Variants in RBPJ observed in about 807,000 individuals in gnomAD.
RBPJ encodes recombining binding protein suppressor of hairless.
A neutral mutation model predicts 67.8 loss-of-function variants in RBPJ; 9 were observed. The observed-to-expected ratio is 0.13, with a 90% CI of 0.08 to 0.23. The LOEUF is 0.23. RBPJ is among the 10% of genes least tolerant of loss of function. The pLI is 1.00. For synonymous variants in RBPJ, 198 were observed against 203.3 expected, an observed-to-expected ratio of 0.97 and a Z score of 0.22; for missense variants, 305 against 595.6, an observed-to-expected ratio of 0.51 and a Z score of 5.08.
At chr4:26,249,414 C>T (rs1720025231) in intron 1 of RBPJ, among the ~76,000 whole-genome samples, 1 of 152,102 alleles carries the variant, frequency 6.6e-6, no homozygotes, top group South Asian at 2.1e-4. Context: ...AATCCCAGCA[C>T]TTTATGAGGC....
the RBPJ span, chr4:26,112,314 C>G: frequency 6.5e-6 from 1 of 154,054 alleles, no homozygotes; most frequent in Non-Finnish European, 1.5e-5. Flanking sequence ...AGATACTTTG[C>G]GTTTAATTAT....
At chr4:26,128,303 G>T in the RBPJ span, among the ~76,000 whole-genome samples, 2 of 152,334 alleles carry the variant, frequency 1.3e-5, no homozygotes, top group South Asian at 4.1e-4. Flanking sequence ...CTGAAAGTTT[G>T]CTGACTTTTA....
the RBPJ span, among the ~76,000 whole-genome samples, chr4:26,151,894 A>G: frequency 1.3e-5 from 2 of 152,174 alleles, no homozygotes; most frequent in East Asian, 1.9e-4. Flanking sequence ...TCAGTGAGCA[A>G]CTCAGTGATT....
chr4:26,306,237 T>C (rs1011660716), intron 1 of RBPJ, among the ~76,000 whole-genome samples: 12 of 152,124 alleles, frequency 7.9e-5, no homozygotes, highest in African/African-American at 2.9e-4. Flanking sequence ...CAATACCATG[T>C]TGAATAGAAT....
Position 26,294,931 on chromosome 4 carries a change from A to G in RBPJ, c.-166-67515A>G, listed in dbSNP as rs144286977. ...ATAGTTTAACAATAGGACTAACAAG[A>G]CCTGCCACCGGGTTGGATAGGGCTG... On this transcript the variant is annotated intron_variant, in intron 1 of 4. Transcript: ENST00000512351. 9.2e-4 allele frequency among the ~76,000 whole-genome samples: 140 copies of G among 152,152 alleles called. 1 individual carries two copies. Among genetic ancestry groups the G allele is most frequent in the Non-Finnish European group, 1.6e-3 (112 of 68,002 alleles).
chr4:26,427,049 C>T (rs1233387223), intron 7 of RBPJ, among the ~76,000 whole-genome samples: 2 of 152,044 alleles, frequency 1.3e-5, no homozygotes, highest in Admixed American at 6.6e-5. Flanking sequence ...CATAGCAATG[C>T]GGCCGTGGAA....
At chr4:26,271,602 A>T (rs891512374) in intron 1 of RBPJ, among the ~76,000 whole-genome samples, 7 of 152,024 alleles carry the variant, frequency 4.6e-5, no homozygotes, top group African/African-American at 1.7e-4. Flanking sequence ...TTTTTAGAGG[A>T]TCCATCAGTA....
At chr4:26,160,058 A>G (rs1716049219), upstream of RBPJ, among the ~76,000 whole-genome samples, 1 of 152,092 alleles carries the variant, frequency 6.6e-6, no homozygotes. Context: ...AGCTAGGACT[A>G]CAGGCGCCCG....
At chr4:26,388,931 A>G (rs1163435804) in intron 2 of RBPJ, among the ~76,000 whole-genome samples, 2 of 152,200 alleles carry the variant, frequency 1.3e-5, no homozygotes, top group Admixed American at 6.5e-5. Flanking sequence ...CTGTAAAACC[A>G]CAGATCTAAG....
At chr4:26,127,413 C>T in the RBPJ span, among the ~76,000 whole-genome samples, 1 of 152,164 alleles carries the variant, frequency 6.6e-6, no homozygotes, top group Non-Finnish European at 1.5e-5. Context: ...GGTTGGGTAG[C>T]AGGATCATGT....
intron 1 of RBPJ, among the ~76,000 whole-genome samples, chr4:26,300,416 T>G (rs1380202775): frequency 6.6e-6 from 1 of 152,248 alleles, no homozygotes; most frequent in Non-Finnish European, 1.5e-5. Context: ...AAGACCTTCG[T>G]ATCTACATAG....
At chr4:26,190,468 A>G (rs908478762) in intron 1 of RBPJ, among the ~76,000 whole-genome samples, 4 of 152,200 alleles carry the variant, frequency 2.6e-5, no homozygotes, top group African/African-American at 9.7e-5. Flanking sequence ...CTTTCAAACC[A>G]TGGGTAATGT....
At chr4:26,129,284 C>T in the RBPJ span, among the ~76,000 whole-genome samples, 7 of 152,112 alleles carry the variant, frequency 4.6e-5, no homozygotes, top group East Asian at 5.8e-4. Flanking sequence ...CCTACCCTGC[C>T]GTGAATCATT....
At chr4:26,265,986 G>A (rs977347677) in intron 1 of RBPJ, among the ~76,000 whole-genome samples, 5 of 151,684 alleles carry the variant, frequency 3.3e-5, no homozygotes, top group Non-Finnish European at 7.4e-5. Flanking sequence ...CTTCACGATC[G>A]CACTACTTCA....
intron 1 of RBPJ, among the ~76,000 whole-genome samples, chr4:26,287,182 A>G (rs1025595205): frequency 3.9e-5 from 6 of 152,092 alleles, no homozygotes; most frequent in African/African-American, 1.4e-4. Context: ...ATTTTAAACC[A>G]TGTCACTGTT....
chr4:26,299,098 C>A (rs1721983217), intron 1 of RBPJ, among the ~76,000 whole-genome samples: 3 of 152,142 alleles, frequency 2.0e-5, no homozygotes, highest in Admixed American at 2.0e-4. Context: ...CAAGGACATA[C>A]TTTCTACCTC....
At chr4:26,283,250 A>G (rs1261692085) in intron 1 of RBPJ, among the ~76,000 whole-genome samples, 1 of 148,116 alleles carries the variant, frequency 6.8e-6, no homozygotes, top group East Asian at 2.2e-4. Flanking sequence ...AATTAAAGAT[A>G]TAGGATTTTC....
chr4:26,330,750 T>C (rs1724153162), intron 1 of RBPJ, among the ~76,000 whole-genome samples: 1 of 152,174 alleles, frequency 6.6e-6, no homozygotes, highest in African/African-American at 2.4e-5. Context: ...AAGGAAGATA[T>C]TGTGAGGATT....
At chr4:26,342,435 A>C (rs1350834596) in intron 1 of RBPJ, among the ~76,000 whole-genome samples, 1 of 152,178 alleles carries the variant, frequency 6.6e-6, no homozygotes, top group Non-Finnish European at 1.5e-5. Context: ...CTGTATCTCC[A>C]GATTTCAGTT....
Sources: gnomAD v4.1 joint callset for allele counts (sites outside exome capture counted in the v4.1 genomes callset) on GRCh38, gnomAD v4.1.1 for gene constraint, MANE v1.5 for transcripts, NCBI Gene and HGNC (gene_info 2026-07-23, HGNC 2026-07-21) for gene names.